Variants in CSMD1 observed in about 807,000 individuals in gnomAD.
CSMD1 encodes CUB and sushi domain-containing protein 1.
In CSMD1, 213 loss-of-function variants were observed where a neutral mutation model predicts 417.5. That is an observed-to-expected ratio of 0.51 (90% confidence interval 0.46 to 0.57). The LOEUF is 0.57. CSMD1 is among the 20% of genes least tolerant of loss of function. CSMD1 has a pLI of 0.00. For synonymous variants in CSMD1, 2,862 were observed against 1,736.8 expected, an observed-to-expected ratio of 1.65 and a Z score of -16.11; for missense variants, 6,923 against 4,529.7, an observed-to-expected ratio of 1.53 and a Z score of -15.17.
At chr8:4,394,280 G>C (rs1389750813) in intron 3 of CSMD1, among the ~76,000 whole-genome samples, 1 of 152,118 alleles carries the variant, frequency 6.6e-6, no homozygotes, top group African/African-American at 2.4e-5. Flanking sequence ...CATATATAAT[G>C]AAGTTGAGTA....
intron 55 of CSMD1, among the ~76,000 whole-genome samples, chr8:2,977,670 A>T (rs1369053941): frequency 6.6e-6 from 1 of 152,192 alleles, no homozygotes; most frequent in African/African-American, 2.4e-5. Context: ...AAATCGTTGC[A>T]ATCTATCCAT....
chr8:3,138,465 T>C (rs1373193471), intron 41 of CSMD1, among the ~76,000 whole-genome samples: 1 of 152,134 alleles, frequency 6.6e-6, no homozygotes, highest in Non-Finnish European at 1.5e-5. Flanking sequence ...GGCACCTCTA[T>C]CCTGAGTCCA....
intron 1 of CSMD1, among the ~76,000 whole-genome samples, chr8:4,841,330 G>C (rs1563558937): frequency 6.6e-6 from 1 of 152,124 alleles, no homozygotes; most frequent in East Asian, 1.9e-4. Flanking sequence ...ACTTATGCTG[G>C]TTTTGGAACT....
chr8:4,257,713 G>T (rs1803563462), intron 3 of CSMD1, among the ~76,000 whole-genome samples: 1 of 152,076 alleles, frequency 6.6e-6, no homozygotes. Context: ...AGTGTCACTG[G>T]GTACCAAATA....
intron 21 of CSMD1, among the ~76,000 whole-genome samples, chr8:3,355,712 A>G (rs1046841523): frequency 2.0e-5 from 3 of 152,316 alleles, no homozygotes; most frequent in African/African-American, 7.2e-5. Flanking sequence ...CTTGTTGATG[A>G]GGTTGAACCC....
intron 3 of CSMD1, among the ~76,000 whole-genome samples, chr8:4,215,743 T>A (rs1714717): frequency 1.2e-4 from 19 of 152,014 alleles, no homozygotes; most frequent in Non-Finnish European, 2.5e-4. Context: ...TGAGTAATAC[T>A]TCCTGTCACT....
chr8:4,129,024 C>A (rs1290227044), intron 3 of CSMD1, among the ~76,000 whole-genome samples: 1 of 143,810 alleles, frequency 7.0e-6, no homozygotes. Context: ...TGCAGTAAGC[C>A]GAGATCGCGC....
intron 4 of CSMD1, among the ~76,000 whole-genome samples, chr8:4,011,043 C>G (rs1248018412): frequency 6.6e-6 from 1 of 152,212 alleles, no homozygotes; most frequent in Non-Finnish European, 1.5e-5. Context: ...CTGCCAGCAT[C>G]TCTTGCCAAA....
chr8:4,962,103 AT>A (rs952197429), intron 1 of CSMD1, among the ~76,000 whole-genome samples: 8 of 80,600 alleles, frequency 9.9e-5, no homozygotes, highest in African/African-American at 1.7e-4. Context: ...GTAAGTATGT[AT>A]TTTTTTGTTG....
At chr8:3,176,710 C>T (rs1306908437) in intron 37 of CSMD1, among the ~76,000 whole-genome samples, 1 of 152,064 alleles carries the variant, frequency 6.6e-6, no homozygotes, top group African/African-American at 2.4e-5. Context: ...TTTCTTGAAC[C>T]CATCAGGGAG....
At chr8:3,721,364 G>C (rs186191926) in intron 6 of CSMD1, among the ~76,000 whole-genome samples, 1 of 152,238 alleles carries the variant, frequency 6.6e-6, no homozygotes, top group African/African-American at 2.4e-5. Flanking sequence ...AGATGAAAGT[G>C]AATCATCAAC....
chr8:4,374,423 CTT>C (rs1802588914), intron 3 of CSMD1, among the ~76,000 whole-genome samples: 1 of 152,046 alleles, frequency 6.6e-6, no homozygotes, highest in African/African-American at 2.4e-5. Flanking sequence ...CCTGAAAAAA[CTT>C]TTTGTAGAAG....
chr8:3,776,205 G>A (rs985554448), intron 5 of CSMD1, among the ~76,000 whole-genome samples: 5 of 152,104 alleles, frequency 3.3e-5, no homozygotes, highest in African/African-American at 4.8e-5. Context: ...TCTCAGCACC[G>A]GAGGGTGCCC....
intron 1 of CSMD1, among the ~76,000 whole-genome samples, chr8:4,645,871 C>T (rs966333813): frequency 5.3e-5 from 8 of 152,216 alleles, no homozygotes; most frequent in African/African-American, 1.2e-4. Context: ...TGTGCTCCTC[C>T]GCTCACTGTA....
chr8:4,520,335 C>A (rs1375834280), intron 2 of CSMD1, among the ~76,000 whole-genome samples: 3 of 152,136 alleles, frequency 2.0e-5, no homozygotes, highest in Admixed American at 6.6e-5. Flanking sequence ...AGATAATAGT[C>A]AATGAATTTG....
intron 5 of CSMD1, among the ~76,000 whole-genome samples, chr8:3,920,926 T>C (rs1339979390): frequency 6.6e-6 from 1 of 152,150 alleles, no homozygotes. Flanking sequence ...CATTGGCCTG[T>C]ACATTTCTTT....
chr8:3,300,339 T>C lies in CSMD1; in HGVS notation c.3950+7356A>G, dbSNP rs184324052. ...GTGTAGTTTTCTTTGGTGTTTAAGA[T>C]TACAGAAAACTACATTTAGGGGTTT... On this transcript the variant is annotated intron_variant, in intron 25 of 69. Transcript: ENST00000635120. Among the ~76,000 whole-genome samples the C allele has an allele frequency of 2.5e-3, 375 of 151,672 alleles. 4 individuals carry two copies. The East Asian group carries it at 0.032, about 13-fold the overall frequency.
chr8:3,985,522 C>A (rs781576841), intron 5 of CSMD1, among the ~76,000 whole-genome samples: 1 of 152,096 alleles, frequency 6.6e-6, no homozygotes, highest in African/African-American at 2.4e-5. Context: ...GAGCCAGATA[C>A]AACGAACACA....
At chr8:4,396,463 C>A (rs1404515509) in intron 3 of CSMD1, among the ~76,000 whole-genome samples, 2 of 152,118 alleles carry the variant, frequency 1.3e-5, no homozygotes, top group Non-Finnish European at 2.9e-5. Flanking sequence ...GAGTGACAGC[C>A]AGTCTCACTC....
Sources: gnomAD v4.1 joint callset for allele counts (sites outside exome capture counted in the v4.1 genomes callset) on GRCh38, gnomAD v4.1.1 for gene constraint, MANE v1.5 for transcripts, NCBI Gene and HGNC (gene_info 2026-07-23, HGNC 2026-07-21) for gene names.